GAB2: variants seen among roughly 807,000 people sequenced by gnomAD.
GAB2 encodes GRB2 associated binding protein 2.
In GAB2, 26 loss-of-function variants were observed where a neutral mutation model predicts 65.5. The observed-to-expected ratio is 0.40, with a 90% CI of 0.29 to 0.55. The LOEUF (loss-of-function observed/expected upper bound fraction) is 0.55. Ranked by LOEUF, GAB2 falls within the 20% of genes least tolerant of loss-of-function variation. GAB2 has a pLI of 0.53. For synonymous variants in GAB2, 321 were observed against 329.6 expected, an observed-to-expected ratio of 0.97 and a Z score of 0.28; for missense variants, 884 against 875.8, an observed-to-expected ratio of 1.01 and a Z score of -0.12.
intron 3 of GAB2, among the ~76,000 whole-genome samples, chr11:78,227,724 C>T (rs541173824): frequency 1.1e-4 from 16 of 151,620 alleles, no homozygotes; most frequent in African/African-American, 3.9e-4. Context: ...CGCTTGAACC[C>T]AGAAGTTCGA....
intron 1 of GAB2, among the ~76,000 whole-genome samples, chr11:78,284,266 C>G (rs188748904): frequency 5.3e-5 from 8 of 152,348 alleles, no homozygotes; most frequent in Admixed American, 2.6e-4. Context: ...CTCACCTGGT[C>G]TAGTCCACCA....
chr11:78,226,620 G>GGGGGGCCCCCC lies in GAB2; in HGVS notation c.1051_1052insGGGGGGCCCCC (p.Pro351ArgfsTer80). 6.7e-7 allele frequency: 1 copy of GGGGGGCCCCCC among 1,500,584 alleles called. No individual in the cohort carries two copies. The highest frequency in any genetic ancestry group is 9.3e-7 in the Non-Finnish European group (1 of 1,079,044). The allele number at this position is 1,500,584 out of a possible 1,614,324, so 93.0% of individuals were successfully genotyped here. A position where few individuals can be genotyped will look rare whatever the true frequency, so the allele number is the denominator to read the frequency against. On this transcript the variant is annotated frameshift_variant, in exon 4 of 10. Transcript: ENST00000361507. LOFTEE classifies it high-confidence loss of function. ...ACTTGGCTTGGGGGGGCGGGGTGGG[G>GGGGGGCCCCCC]GAGCTATGGCTGAGTCCCCAGGAGT...
At chr11:78,321,160 G>T (rs901888662) in intron 1 of GAB2, among the ~76,000 whole-genome samples, 2 of 152,132 alleles carry the variant, frequency 1.3e-5, no homozygotes, top group Non-Finnish European at 2.9e-5. Context: ...TATAGGAAAG[G>T]TAACTGAAGC....
intron 1 of GAB2, among the ~76,000 whole-genome samples, chr11:78,402,302 T>C (rs1277899694): frequency 7.4e-6 from 1 of 135,066 alleles, no homozygotes; most frequent in African/African-American, 3.9e-5. Flanking sequence ...GCCTTTGCTT[T>C]TTCTTCTCTA....
intron 2 of GAB2, among the ~76,000 whole-genome samples, chr11:78,267,955 T>C (rs1312130076): frequency 1.3e-5 from 2 of 151,852 alleles, no homozygotes; most frequent in African/African-American, 4.8e-5. Context: ...ATCTTCCTCA[T>C]GTTTTCATAT....
At chr11:78,373,243 T>C (rs947267563) in intron 1 of GAB2, among the ~76,000 whole-genome samples, 9 of 151,742 alleles carry the variant, frequency 5.9e-5, no homozygotes, top group Non-Finnish European at 1.2e-4. Context: ...AATGACTTTT[T>C]TTTTTTTTTT....
At chr11:78,240,791 G>GA (rs1397822361) in intron 3 of GAB2, among the ~76,000 whole-genome samples, 2 of 152,116 alleles carry the variant, frequency 1.3e-5, no homozygotes, top group African/African-American at 4.8e-5. Flanking sequence ...ACCAGGGGTA[G>GA]AATCACAGCT....
intron 1 of GAB2, among the ~76,000 whole-genome samples, chr11:78,372,156 T>TTAAAA (rs1856580186): frequency 6.6e-6 from 1 of 152,198 alleles, no homozygotes; most frequent in Non-Finnish European, 1.5e-5. Context: ...TTTTACTGAA[T>TTAAAA]GTCTGCTGTG....
At chr11:78,366,585 C>CAAAAAAAA (rs33997665) in intron 1 of GAB2, among the ~76,000 whole-genome samples, 2 of 32,944 alleles carry the variant, frequency 6.1e-5, no homozygotes, top group African/African-American at 1.4e-4. Flanking sequence ...GACTCCATCT[C>CAAAAAAAA]AAAAAAAAAA....
At chr11:78,384,327 C>A (rs10899489) in intron 1 of GAB2, among the ~76,000 whole-genome samples, 35,459 of 152,106 alleles carry the variant, frequency 0.23, 4,651 homozygotes, top group East Asian at 0.4. Context: ...GCACACAAAT[C>A]GAGTGTCTCA....
At chr11:78,327,213 T>C (rs1032481647) in intron 1 of GAB2, among the ~76,000 whole-genome samples, 5 of 152,214 alleles carry the variant, frequency 3.3e-5, no homozygotes, top group South Asian at 2.1e-4. Flanking sequence ...CTTCTGTACA[T>C]GTCTGATTCA....
intron 1 of GAB2, among the ~76,000 whole-genome samples, chr11:78,299,199 T>A (rs1447124199): frequency 1.3e-5 from 2 of 152,238 alleles, no homozygotes; most frequent in African/African-American, 2.4e-5. Flanking sequence ...AATAAATGTA[T>A]CAGGAGTTTA....
intron 1 of GAB2, among the ~76,000 whole-genome samples, chr11:78,291,158 A>G (rs975740875): frequency 1.3e-5 from 2 of 151,998 alleles, no homozygotes; most frequent in Non-Finnish European, 2.9e-5. Flanking sequence ...GAAGGGCTCA[A>G]AGAGTAGATC....
chr11:78,366,567 C>G lies in GAB2; in HGVS notation c.75+51079G>C, dbSNP rs1856499662. On this transcript the variant is annotated intron_variant, in intron 1 of 9. Coordinates refer to ENST00000361507, the MANE Select transcript of GAB2 (RefSeq NM_080491.3). Reference sequence around the variant, plus strand: ...CACCACTGTATTCCAGGCTGGGCGACAGAGCAAGACTCCATCTCAAAAAAA... The same window carrying G: ...CACCACTGTATTCCAGGCTGGGCGAGAGAGCAAGACTCCATCTCAAAAAAA... Among the ~76,000 whole-genome samples, 4 of 94,046 alleles carry G rather than the reference C, an allele frequency of 4.3e-5. No individual in the cohort carries two copies. In the Admixed American group the frequency reaches 7.3e-4, roughly 17 times the overall value. The allele number at this position is 94,046 out of a possible 152,430, so 61.7% of individuals were successfully genotyped here.
chr11:78,314,953 G>A (rs1855571343), intron 1 of GAB2, among the ~76,000 whole-genome samples: 1 of 152,218 alleles, frequency 6.6e-6, no homozygotes, highest in Admixed American at 6.5e-5. Context: ...GGCTTGCTAT[G>A]GGAGCAGTGA....
At chr11:78,349,479 C>T (rs1056107810) in intron 1 of GAB2, among the ~76,000 whole-genome samples, 11 of 152,138 alleles carry the variant, frequency 7.2e-5, no homozygotes, top group Admixed American at 3.3e-4. Flanking sequence ...AAAGTCACCC[C>T]GATGGTAAAT....
At chr11:78,312,882 A>G (rs763743256) in intron 1 of GAB2, among the ~76,000 whole-genome samples, 4 of 152,192 alleles carry the variant, frequency 2.6e-5, no homozygotes, top group Non-Finnish European at 4.4e-5. Flanking sequence ...GTGTCTCAGA[A>G]AAGTACTGAA....
chr11:78,226,367 G>T, intron 4 of GAB2, 98 bp downstream of exon 4: 1 of 964,814 alleles, frequency 1.0e-6, no homozygotes, highest in Non-Finnish European at 1.7e-6. Context: ...TGGTTCGTAA[G>T]TTCCCCTCGG....
Position 78,280,893 on chromosome 11 carries a change from C to T in GAB2, c.84G>A (p.Lys28=). The T allele has an allele frequency of 6.2e-7, 1 of 1,613,368 alleles. No individual in the cohort carries two copies. The highest frequency in any genetic ancestry group is 8.5e-7 in the Non-Finnish European group (1 of 1,179,334). Residue 28 remains lysine (K), a synonymous_variant, in exon 2 of 10, where the codon AAG becomes AAA. Transcript: ENST00000361507. ...PEKKLRRYAW[K]KRWFILRSGR... Reference sequence around the variant, plus strand: ...CACTCCGCAGGATAAACCAGCGTTTCTTCCAGGCCTAAATCATATCAGGAA... The same window carrying T: ...CACTCCGCAGGATAAACCAGCGTTTTTTCCAGGCCTAAATCATATCAGGAA...
Sources: gnomAD v4.1 joint callset for allele counts (sites outside exome capture counted in the v4.1 genomes callset) on GRCh38, gnomAD v4.1.1 for gene constraint, MANE v1.5 for transcripts, NCBI Gene and HGNC (gene_info 2026-07-23, HGNC 2026-07-21) for gene names.